MDGA2: variants seen among roughly 807,000 people sequenced by gnomAD.
MDGA2 encodes the protein MAM domain-containing glycosylphosphatidylinositol anchor protein 2.
MDGA2 carries 40 observed loss-of-function variants against 117.8 expected under a neutral mutation model. The observed-to-expected ratio is 0.34, with a 90% CI of 0.26 to 0.44. MDGA2 has a LOEUF of 0.44. Among genes scored for constraint, MDGA2 ranks in the 20% least tolerant of loss-of-function variants. The pLI, the probability that MDGA2 is intolerant of heterozygous loss-of-function variation, is 1.00. For synonymous variants in MDGA2, 452 were observed against 439.0 expected, an observed-to-expected ratio of 1.03 and a Z score of -0.37; for missense variants, 1,123 against 1,250.6, an observed-to-expected ratio of 0.90 and a Z score of 1.54.
chr14:46,951,462 T>C (rs923981796), intron 9 of MDGA2, among the ~76,000 whole-genome samples: 3 of 152,010 alleles, frequency 2.0e-5, no homozygotes, highest in Non-Finnish European at 4.4e-5. Context: ...ATGTCACTTC[T>C]GTGATCGTAT....
chr14:46,972,490 T>C (rs1240254924), intron 8 of MDGA2, among the ~76,000 whole-genome samples: 1 of 152,204 alleles, frequency 6.6e-6, no homozygotes, highest in African/African-American at 2.4e-5. Context: ...GCACATTTCA[T>C]ATACTTATTA....
At chr14:47,660,281 T>A (rs1339899210) in intron 1 of MDGA2, among the ~76,000 whole-genome samples, 1 of 152,220 alleles carries the variant, frequency 6.6e-6, no homozygotes, top group Non-Finnish European at 1.5e-5. Flanking sequence ...GCGCTACAGC[T>A]GAATATAATA....
At chr14:46,940,502 C>G (rs1884956386) in intron 9 of MDGA2, among the ~76,000 whole-genome samples, 1 of 151,800 alleles carries the variant, frequency 6.6e-6, no homozygotes, top group Non-Finnish European at 1.5e-5. Flanking sequence ...ATGGCGGGCG[C>G]CTGTAATCCC....
chr14:47,060,748 A>G (rs1330870570), intron 7 of MDGA2, among the ~76,000 whole-genome samples: 1 of 152,130 alleles, frequency 6.6e-6, no homozygotes, highest in Admixed American at 6.6e-5. Context: ...GATTCTGCAA[A>G]AAAATCACAT....
At chr14:47,476,822 C>T (rs564000234) in intron 1 of MDGA2, among the ~76,000 whole-genome samples, 3 of 152,284 alleles carry the variant, frequency 2.0e-5, no homozygotes, top group South Asian at 2.1e-4. Context: ...CTGACATCAA[C>T]GATCTTCTAA....
chr14:47,292,676 G>C (rs1888930980), intron 2 of MDGA2, among the ~76,000 whole-genome samples: 1 of 152,110 alleles, frequency 6.6e-6, no homozygotes. Context: ...CTTTCTTTAA[G>C]AAAACTTGGT....
chr14:47,315,217 G>A (rs978207950), intron 1 of MDGA2, among the ~76,000 whole-genome samples: 1 of 152,044 alleles, frequency 6.6e-6, no homozygotes. Context: ...TCTTAATCCA[G>A]ATGGATAAAG....
At chr14:46,850,928 A>G (rs545110051) in intron 15 of MDGA2, among the ~76,000 whole-genome samples, 1 of 151,998 alleles carries the variant, frequency 6.6e-6, no homozygotes, top group South Asian at 2.1e-4. Flanking sequence ...TTGTGTCCAT[A>G]TAATTGCCCT....
intron 1 of MDGA2, among the ~76,000 whole-genome samples, chr14:47,556,985 C>T (rs565321314): frequency 1.3e-5 from 2 of 152,260 alleles, no homozygotes; most frequent in South Asian, 2.1e-4. Context: ...TCCAAAGACA[C>T]ATGTATCCAG....
chr14:46,961,502 A>G (rs965808193), intron 8 of MDGA2, among the ~76,000 whole-genome samples: 3 of 152,340 alleles, frequency 2.0e-5, no homozygotes, highest in East Asian at 3.9e-4. Flanking sequence ...TAATTCCAAT[A>G]ACGTATACTT....
At chr14:47,489,966 T>C (rs1894136246) in intron 1 of MDGA2, among the ~76,000 whole-genome samples, 1 of 152,112 alleles carries the variant, frequency 6.6e-6, no homozygotes, top group African/African-American at 2.4e-5. Flanking sequence ...TATATACTTT[T>C]GTGGGAAGCC....
At chr14:46,847,857 C>T (rs763100732) in intron 15 of MDGA2, among the ~76,000 whole-genome samples, 7 of 151,866 alleles carry the variant, frequency 4.6e-5, no homozygotes, top group African/African-American at 7.2e-5. Flanking sequence ...TACAAATTGC[C>T]CGTATGAGCA....
In MDGA2 at chr14:47,561,158, G is replaced by GTTTTTTTT. The variant is rs200625450; in HGVS notation, c.280+113358_280+113359insAAAAAAAA. Among the ~76,000 whole-genome samples the GTTTTTTTT allele has an allele frequency of 3.4e-4, 19 of 55,088 alleles. 1 individual carries two copies. Among genetic ancestry groups the GTTTTTTTT allele is most frequent in the Non-Finnish European group, 6.1e-4 (14 of 23,060 alleles). The allele number at this position is 55,088 out of a possible 152,430, so 36.1% of individuals were successfully genotyped here. On this transcript the variant is annotated intron_variant, in intron 1 of 16. Transcript: ENST00000399232. ...CTATCTTTGTTTTTTTTTTTGTTTT[G>GTTTTTTTT]TTTTGTTTTTTTGTTTGTTTGTTTT...
chr14:47,103,501 T>C (rs948914005), intron 5 of MDGA2, among the ~76,000 whole-genome samples: 14 of 152,252 alleles, frequency 9.2e-5, no homozygotes, highest in African/African-American at 3.4e-4. Flanking sequence ...ATTGGTATCA[T>C]GCTGGGAAAT....
intron 10 of MDGA2, among the ~76,000 whole-genome samples, chr14:46,892,244 C>T (rs936096985): frequency 1.3e-5 from 2 of 151,518 alleles, no homozygotes; most frequent in African/African-American, 4.8e-5. Flanking sequence ...ATAAGTCCAC[C>T]AAGAAGACCC....
intron 1 of MDGA2, among the ~76,000 whole-genome samples, chr14:47,411,451 G>T (rs1402775264): frequency 1.3e-5 from 2 of 152,014 alleles, no homozygotes; most frequent in East Asian, 3.9e-4. Context: ...GTCCAGATAG[G>T]GAGACTGTAG....
chr14:47,026,182 A>C (rs1244715913), intron 8 of MDGA2, among the ~76,000 whole-genome samples: 1 of 152,210 alleles, frequency 6.6e-6, no homozygotes, highest in East Asian at 1.9e-4. Context: ...AACAACATAT[A>C]AGCTAAAATT....
Position 47,527,041 on chromosome 14 carries a change from C to T in MDGA2, c.280+147476G>A, listed in dbSNP as rs180836529. Among the ~76,000 whole-genome samples the T allele has an allele frequency of 1.3e-3, 202 of 152,220 alleles. 2 individuals carry two copies. The highest frequency in any genetic ancestry group is 1.2e-4 in the Non-Finnish European group (8 of 68,024). The stretch of plus-strand genomic sequence containing the variant: ...ATGCTCACTGAGTATTTACTAAGTC[C>T]CAAGCACCATACTGAACAACCTACA... On this transcript the variant is annotated intron_variant, in intron 1 of 16. Coordinates refer to ENST00000399232, the MANE Select transcript of MDGA2 (RefSeq NM_001113498.3).
At chr14:46,940,107 A>G (rs1884940976) in intron 9 of MDGA2, among the ~76,000 whole-genome samples, 1 of 152,078 alleles carries the variant, frequency 6.6e-6, no homozygotes, top group East Asian at 1.9e-4. Context: ...TGCCTCTGTG[A>G]GTATGGAAAC....
Sources: gnomAD v4.1 joint callset for allele counts (sites outside exome capture counted in the v4.1 genomes callset) on GRCh38, gnomAD v4.1.1 for gene constraint, MANE v1.5 for transcripts, NCBI Gene and HGNC (gene_info 2026-07-23, HGNC 2026-07-21) for gene names.